Variants in AKIRIN2 observed in about 807,000 individuals in gnomAD.
AKIRIN2 encodes the protein akirin 2.
A neutral mutation model predicts 29.3 loss-of-function variants in AKIRIN2; 6 were observed. That is an observed-to-expected ratio of 0.20 (90% confidence interval 0.11 to 0.40). AKIRIN2 has a LOEUF of 0.40. Ranked by LOEUF, AKIRIN2 falls within the 10% of genes least tolerant of loss-of-function variation. The pLI is 1.00. For synonymous variants in AKIRIN2, 128 were observed against 117.5 expected, an observed-to-expected ratio of 1.09 and a Z score of -0.58; for missense variants, 210 against 276.1, an observed-to-expected ratio of 0.76 and a Z score of 1.70.
At chr6:87,676,596 A>AACACACGCGCGCACACACAC (rs1485678233) in intron 3 of AKIRIN2, among the ~76,000 whole-genome samples, 2 of 142,046 alleles carry the variant, frequency 1.4e-5, no homozygotes, top group African/African-American at 5.4e-5. Flanking sequence ...CTCTACTAAA[A>AACACACGCGCGCACACACAC]ACACACACAC....
chr6:87,684,681 G>A (rs1771162667), intron 1 of AKIRIN2, among the ~76,000 whole-genome samples: 1 of 152,146 alleles, frequency 6.6e-6, no homozygotes, highest in South Asian at 2.1e-4. Context: ...ATGCTTTTGA[G>A]ATTCATGTAT....
At chr6:87,685,955 C>T (rs1771179268) in intron 1 of AKIRIN2, among the ~76,000 whole-genome samples, 1 of 152,164 alleles carries the variant, frequency 6.6e-6, no homozygotes, top group East Asian at 1.9e-4. Flanking sequence ...TGGCTCACCC[C>T]TTTAATCCCA....
intron 1 of AKIRIN2, among the ~76,000 whole-genome samples, chr6:87,682,979 T>A (rs1771141044): frequency 6.6e-6 from 1 of 152,168 alleles, no homozygotes; most frequent in South Asian, 2.1e-4. Flanking sequence ...CTTTTTAAAA[T>A]TTAATACTGG....
At chr6:87,690,494 ATTAAT>A (rs1334993072) in intron 1 of AKIRIN2, among the ~76,000 whole-genome samples, 1 of 152,196 alleles carries the variant, frequency 6.6e-6, no homozygotes, top group African/African-American at 2.4e-5. Context: ...TATTCTGCAA[ATTAAT>A]TTAACTTGAT....
chr6:87,689,963 G>C (rs915055909), intron 1 of AKIRIN2, among the ~76,000 whole-genome samples: 18 of 152,112 alleles, frequency 1.2e-4, no homozygotes, highest in African/African-American at 3.9e-4. Context: ...TGTAATCCTA[G>C]CACTTTGGGA....
At chr6:87,690,789 A>G (rs1771265727) in intron 1 of AKIRIN2, among the ~76,000 whole-genome samples, 1 of 152,132 alleles carries the variant, frequency 6.6e-6, no homozygotes, top group South Asian at 2.1e-4. Context: ...TCTGGCCAAC[A>G]TGGTAAAACC....
intron 1 of AKIRIN2, among the ~76,000 whole-genome samples, chr6:87,685,854 T>A (rs55901317): frequency 0.032 from 4,803 of 152,318 alleles, 96 homozygotes; most frequent in Middle Eastern, 0.054. Context: ...AAATTGCTAA[T>A]AAAATTCTCC....
At chr6:87,681,508 G>GT (rs1314418697) in intron 2 of AKIRIN2, 112 bp downstream of exon 2, 4 of 1,079,426 alleles carry the variant, frequency 3.7e-6, no homozygotes, top group Admixed American at 3.2e-5. Context: ...TTGTATAAAT[G>GT]TTTTTTTAAA....
At chr6:87,679,631 C>G (rs1379107699) in intron 2 of AKIRIN2, among the ~76,000 whole-genome samples, 1 of 152,130 alleles carries the variant, frequency 6.6e-6, no homozygotes, top group East Asian at 1.9e-4. Context: ...GAAAAATAAG[C>G]TCAAGCATTG....
intron 1 of AKIRIN2, among the ~76,000 whole-genome samples, chr6:87,692,337 T>G (rs538699159): frequency 6.6e-6 from 1 of 152,316 alleles, no homozygotes; most frequent in Admixed American, 6.5e-5. Context: ...ACTATCATCA[T>G]GTGCACATTT....
chr6:87,681,863 C>T, intron 1 of AKIRIN2, 100 bp from the exon 2 acceptor site: 2 of 989,850 alleles, frequency 2.0e-6, no homozygotes, highest in Non-Finnish European at 2.8e-6. Flanking sequence ...ACCCAAAATA[C>T]TCCTTTCAAA....
intron 2 of AKIRIN2, 94 bp downstream of exon 2, chr6:87,681,525 AG>A (rs1771122611): frequency 8.1e-7 from 1 of 1,227,138 alleles, no homozygotes; most frequent in African/African-American, 1.6e-5. Flanking sequence ...TAAAACTCAG[AG>A]GAGATACAGT....
chr6:87,702,047 G>C lies in AKIRIN2; in HGVS notation c.-363C>G. 1 of 402,418 alleles carries C rather than the reference G, an allele frequency of 2.5e-6. No homozygotes were observed. The highest frequency in any genetic ancestry group is 3.6e-5 in the East Asian group (1 of 28,066). 24.9% of individuals were successfully genotyped at this position (402,418 alleles called of 1,614,324 possible). A position where few individuals can be genotyped will look rare whatever the true frequency, so the allele number is the denominator to read the frequency against. ...GCCGCGCCTGAGGCGCTTCTGTGCT[G>C]AGACTAGATCCTTTCTGAAGTCGAA... is the stretch of plus-strand genomic sequence containing the variant. On this transcript the variant is annotated 5_prime_UTR_variant, in exon 1 of 5. Coordinates refer to ENST00000257787, the MANE Select transcript of AKIRIN2 (RefSeq NM_018064.4).
chr6:87,676,548 A>T (rs1294775855), intron 3 of AKIRIN2, among the ~76,000 whole-genome samples: 2 of 150,356 alleles, frequency 1.3e-5, no homozygotes, highest in Admixed American at 1.3e-4. Flanking sequence ...TGAGGTCAGA[A>T]GATCAAAGCC....
chr6:87,679,072 T>C (rs888158995), intron 2 of AKIRIN2, among the ~76,000 whole-genome samples: 1 of 149,948 alleles, frequency 6.7e-6, no homozygotes, highest in African/African-American at 2.5e-5. Flanking sequence ...GAGGCGGAGG[T>C]TGCAGTGAGC....
chr6:87,679,579 C>A (rs1469251794), intron 2 of AKIRIN2, among the ~76,000 whole-genome samples: 2 of 152,160 alleles, frequency 1.3e-5, no homozygotes, highest in African/African-American at 2.4e-5. Flanking sequence ...TTTTTGAACT[C>A]ATTGACCACT....
intron 1 of AKIRIN2, among the ~76,000 whole-genome samples, chr6:87,693,059 C>T (rs1384729190): frequency 2.0e-5 from 3 of 151,896 alleles, no homozygotes; most frequent in Non-Finnish European, 4.4e-5. Context: ...GAAACCTCAT[C>T]TCTACTAAAA....
At chr6:87,680,563 G>A (rs771261058) in intron 2 of AKIRIN2, among the ~76,000 whole-genome samples, 28 of 151,598 alleles carry the variant, frequency 1.8e-4, no homozygotes, top group Non-Finnish European at 3.1e-4. Context: ...GAGCCACCGC[G>A]CCCAGCCGCA....
At chr6:87,675,817 C>G (rs1293490765) in intron 4 of AKIRIN2, 43 bp downstream of exon 4, 2 of 1,556,340 alleles carry the variant, frequency 1.3e-6, no homozygotes, top group Admixed American at 1.8e-5. Flanking sequence ...CCTTAAAAGA[C>G]AGTCTTATTT....
Sources: allele counts gnomAD v4.1 joint callset (sites outside exome capture counted in the v4.1 genomes callset), GRCh38; gene constraint gnomAD v4.1.1; transcripts MANE v1.5; gene names NCBI Gene and HGNC (gene_info 2026-07-23, HGNC 2026-07-21).